SNRNP48: variants seen among roughly 807,000 people sequenced by gnomAD.
SNRNP48 encodes small nuclear ribonucleoprotein U11/U12 subunit 48.
SNRNP48 carries 43 observed loss-of-function variants against 47.0 expected under a neutral mutation model. The ratio of observed to expected loss-of-function variants is 0.92; its 90% confidence interval spans 0.72 to 1.18. SNRNP48 has a LOEUF of 1.18. SNRNP48 is among the 50% of genes most tolerant of loss of function. The pLI, the probability that SNRNP48 is intolerant of heterozygous loss-of-function variation, is 0.00. For synonymous variants in SNRNP48, 138 were observed against 144.0 expected (o/e 0.96, Z 0.30); for missense variants, 396 against 422.2 (o/e 0.94, Z 0.54).
chr6:7,594,708 C>A (rs1759872667), intron 3 of SNRNP48, among the ~76,000 whole-genome samples: 1 of 152,146 alleles, frequency 6.6e-6, no homozygotes, highest in Non-Finnish European at 1.5e-5. Context: ...CTGGAGTCAG[C>A]TAGAGGGTCA....
In SNRNP48 at chr6:7,609,964, C is replaced by CGCT. The variant is rs1278916456; in HGVS notation, c.*1092_*1093insCTG. The CGCT allele has an allele frequency of 4.6e-5, 7 of 151,980 alleles. No homozygotes were observed. Among genetic ancestry groups the CGCT allele is most frequent in the Admixed American group, 1.3e-4 (2 of 15,252 alleles). 9.4% of individuals were successfully genotyped at this position (151,980 alleles called of 1,614,324 possible). ...CAGCCACAGATTTGCTTTTGGTTAC[C>CGCT]GATTAGATCTATCCATTGTAGAATT... On this transcript the variant is annotated 3_prime_UTR_variant, in exon 9 of 9. Coordinates refer to ENST00000342415, the MANE Select transcript of SNRNP48 (RefSeq NM_152551.4).
intron 1 of SNRNP48, among the ~76,000 whole-genome samples, chr6:7,593,459 T>C (rs1406709496): frequency 6.6e-6 from 1 of 152,126 alleles, no homozygotes; most frequent in Non-Finnish European, 1.5e-5. Context: ...GGAATCGTTA[T>C]AGGTGAGGTG....
Position 7,602,735 on chromosome 6 carries a change from A to G in SNRNP48, c.708A>G (p.Ser236=). Residue 236 remains serine (S), a synonymous_variant, in exon 6 of 9, where the codon TCA becomes TCG. Transcript: ENST00000342415. ...AGAATGTTCACATAACCAAGAAATC[A>G]TATACTGAGGTAAGTTTTACATAAT... is the stretch of plus-strand genomic sequence containing the variant. ...RAKNVHITKK[S]YTEVIRDVIN... is the part of the protein sequence containing the mutation. 3 of 1,569,188 alleles carry G rather than the reference A, an allele frequency of 1.9e-6. No individual in the cohort carries two copies. Among genetic ancestry groups the G allele is most frequent in the South Asian group, 1.2e-5 (1 of 82,558 alleles).
chr6:7,590,289 G>A lies in SNRNP48; in HGVS notation c.32G>A (p.Arg11Gln). Residue 11 changes from arginine to glutamine, a missense_variant, in exon 1 of 9, where the codon CGG becomes CAG. Arg to Gln is a conservative substitution (Grantham distance 43). Coordinates refer to ENST00000342415, the MANE Select transcript of SNRNP48 (RefSeq NM_152551.4). MEGEPPPVEE[R>Q]RRLQEELNEF... The stretch of plus-strand genomic sequence containing the variant: ...GGCGAGCCTCCACCTGTGGAGGAGC[G>A]GCGGCGGCTGCAGGAGGAGCTGAAC... The A allele has an allele frequency of 7.3e-7, 1 of 1,368,600 alleles. No homozygotes were observed. The highest frequency in any genetic ancestry group is 9.5e-7 in the Non-Finnish European group (1 of 1,049,852). 84.8% of individuals were successfully genotyped at this position (1,368,600 alleles called of 1,614,324 possible). A position where few individuals can be genotyped will look rare whatever the true frequency, so the allele number is the denominator to read the frequency against.
At chr6:7,598,959 CAGGTTGTAT>C (rs1759960773) in intron 4 of SNRNP48, among the ~76,000 whole-genome samples, 1 of 151,952 alleles carries the variant, frequency 6.6e-6, no homozygotes, top group South Asian at 2.1e-4. Flanking sequence ...ATTAAATATT[CAGGTTGTAT>C]ACTTCAGTAT....
rs1760019190 is a variant in SNRNP48 at position 7,601,444 on chromosome 6, C to G, written c.515C>G (p.Thr172Arg). Residue 172 changes from threonine to arginine, a missense_variant, in exon 5 of 9, where the codon ACA (threonine) becomes AGA (arginine). Physicochemically the swap from Thr to Arg is moderately conservative, Grantham distance 71 (BLOSUM62 -1). Transcript: ENST00000342415. ...CTCTATGATTTCGTAGTTGAGGAGA[C>G]AAAGAAAAAGCGCTCTGATTCTCAA... ...LALYDFVVEETKKKRSDSQII... is the reference protein window; with the variant it reads ...LALYDFVVEERKKKRSDSQII... The G allele has an allele frequency of 1.2e-6, 2 of 1,603,476 alleles. No individual in the cohort carries two copies. Among genetic ancestry groups the G allele is most frequent in the Non-Finnish European group, 1.7e-6 (2 of 1,177,810 alleles).
chr6:7,597,638 A>G (rs929412255), intron 4 of SNRNP48, among the ~76,000 whole-genome samples: 3 of 152,122 alleles, frequency 2.0e-5, no homozygotes, highest in South Asian at 4.1e-4. Flanking sequence ...AAGATAATGA[A>G]ATGGATGAGT....
chr6:7,603,619 A>G (rs1760072102), intron 6 of SNRNP48, among the ~76,000 whole-genome samples: 1 of 152,144 alleles, frequency 6.6e-6, no homozygotes, highest in Non-Finnish European at 1.5e-5. Flanking sequence ...GCCATTTTAA[A>G]TCTTGTTGAG....
intron 4 of SNRNP48, chr6:7,600,184 A>G (rs1759986045): frequency 1.0e-6 from 1 of 990,292 alleles, no homozygotes; most frequent in Non-Finnish European, 1.2e-6. Context: ...ATATATTGTT[A>G]TGTATAGCCG....
chr6:7,599,973 T>C (rs1037132275), intron 4 of SNRNP48: 2 of 997,546 alleles, frequency 2.0e-6, no homozygotes, highest in African/African-American at 3.5e-5. Context: ...ATGAAGCTTG[T>C]TTGTAATACA....
At chr6:7,595,199 G>A (rs1294327416) in intron 4 of SNRNP48, 98 bp downstream of exon 4, 2 of 1,010,914 alleles carry the variant, frequency 2.0e-6, no homozygotes, top group Admixed American at 6.0e-5. Context: ...TGTGAAAACT[G>A]TTACATGGGA....
Position 7,594,149 on chromosome 6 carries a change from G to A in SNRNP48, c.321G>A (p.Ser107=), listed in dbSNP as rs773138803. 21 of 1,378,490 alleles carry A rather than the reference G, an allele frequency of 1.5e-5. No homozygotes were observed. The highest frequency in any genetic ancestry group is 4.2e-5 in the South Asian group (3 of 71,464). 85.4% of individuals were successfully genotyped at this position (1,378,490 alleles called of 1,614,324 possible). A position where few individuals can be genotyped will look rare whatever the true frequency, so the allele number is the denominator to read the frequency against. The change falls in exon 3 of 9, where the codon TCG becomes TCA. Residue 107 remains serine, a synonymous_variant. Coordinates refer to ENST00000342415, the MANE Select transcript of SNRNP48 (RefSeq NM_152551.4). ...TCTATGAAAATGTGAAGATACCTTC[G>A]ATTACTTTGAGTAAGTATTAAGTTA... ...EFFYENVKIP[S]ITLNKDSQFQ... is the part of the protein sequence containing the mutation.
chr6:7,600,298 G>A lies in SNRNP48; in HGVS notation c.407-1038G>A, dbSNP rs1163617343. 4 of 767,064 alleles carry A rather than the reference G, an allele frequency of 5.2e-6. No homozygotes were observed. The African/African-American group carries it at 7.5e-5, about 14-fold the overall frequency. 47.5% of individuals were successfully genotyped at this position (767,064 alleles called of 1,614,324 possible). On this transcript the variant is annotated intron_variant, in intron 4 of 8. Coordinates refer to ENST00000342415, the MANE Select transcript of SNRNP48 (RefSeq NM_152551.4). ...CTTAGTTCATAGTATGCTCTTATTTGAATTCTTTTTGCCTCTACCTAGGAA... is the reference window on the plus strand; with the variant it reads ...CTTAGTTCATAGTATGCTCTTATTTAAATTCTTTTTGCCTCTACCTAGGAA...
At chr6:7,594,001 G>C (rs1424711311) in intron 2 of SNRNP48, 98 bp from the exon 3 acceptor site, 1 of 981,260 alleles carries the variant, frequency 1.0e-6, no homozygotes, top group South Asian at 1.6e-5. Context: ...ACAAATTATT[G>C]TGAGAAATAA....
intron 4 of SNRNP48, 141 bp from the exon 5 acceptor site, chr6:7,601,195 A>G (rs1449756759): frequency 1.8e-6 from 1 of 571,008 alleles, no homozygotes; most frequent in Non-Finnish European, 2.9e-6. Flanking sequence ...GCTTAGATTG[A>G]TATTTTGTAT....
At chr6:7,608,773 T>A in intron 8 of SNRNP48, 52 bp from the exon 9 acceptor site, 1 of 996,820 alleles carries the variant, frequency 1.0e-6, no homozygotes, top group Non-Finnish European at 1.5e-6. Flanking sequence ...AAAGCTCTGA[T>A]ATTAAAATGT....
chr6:7,592,996 T>A (rs1759845587), intron 1 of SNRNP48, among the ~76,000 whole-genome samples: 1 of 152,042 alleles, frequency 6.6e-6, no homozygotes, highest in Non-Finnish European at 1.5e-5. Flanking sequence ...ATTTGAGGGT[T>A]GGGAGATGAT....
At chr6:7,593,942 C>A in intron 2 of SNRNP48, 95 bp downstream of exon 2, 1 of 1,056,688 alleles carries the variant, frequency 9.5e-7, no homozygotes, top group Admixed American at 2.9e-5. Context: ...GGTTCACTGA[C>A]AAAATAATAG....
intron 1 of SNRNP48, 41 bp from the exon 2 acceptor site, chr6:7,593,693 A>G (rs372533334): frequency 8.1e-7 from 1 of 1,233,072 alleles, no homozygotes; most frequent in African/African-American, 1.5e-5. Context: ...TTATTTAAAT[A>G]TTATGTACCT....
Sources: gnomAD v4.1 joint callset for allele counts (sites outside exome capture counted in the v4.1 genomes callset) on GRCh38, gnomAD v4.1.1 for gene constraint, MANE v1.5 for transcripts, NCBI Gene and HGNC (gene_info 2026-07-23, HGNC 2026-07-21) for gene names.